The following MECOM variants were observed in gnomAD, a reference collection of about 807,000 sequenced individuals.
MECOM encodes the protein histone-lysine N-methyltransferase MECOM.
Under a neutral mutation model 116.3 loss-of-function variants are expected in MECOM, and 13 were observed. The ratio of observed to expected loss-of-function variants is 0.11; its 90% CI spans 0.07 to 0.18. The LOEUF is 0.18. Ranked by LOEUF, MECOM falls within the 10% of genes least tolerant of loss-of-function variation. MECOM has a pLI of 1.00. For synonymous variants in MECOM, 528 were observed against 535.2 expected, an observed-to-expected ratio of 0.99 and a Z score of 0.19; for missense variants, 1,299 against 1,509.0, an observed-to-expected ratio of 0.86 and a Z score of 2.31.
chr3:169,327,917 A>G (rs1722128443), intron 2 of MECOM, among the ~76,000 whole-genome samples: 1 of 152,200 alleles, frequency 6.6e-6, no homozygotes, highest in Admixed American at 6.5e-5. Flanking sequence ...CTTCAAAAGC[A>G]TGTCCTATTT....
chr3:169,511,491 G>T (rs947041819), intron 1 of MECOM, among the ~76,000 whole-genome samples: 1 of 152,224 alleles, frequency 6.6e-6, no homozygotes, highest in Non-Finnish European at 1.5e-5. Context: ...GCCAGGTGCA[G>T]TGGCTCATGC....
At chr3:169,609,548 G>A (rs1769000876) in intron 1 of MECOM, among the ~76,000 whole-genome samples, 1 of 152,062 alleles carries the variant, frequency 6.6e-6, no homozygotes, top group African/African-American at 2.4e-5. Context: ...AGATTGGTGG[G>A]AGAGGAGTAA....
chr3:169,572,102 G>T (rs1261117203), intron 1 of MECOM, among the ~76,000 whole-genome samples: 4 of 152,232 alleles, frequency 2.6e-5, no homozygotes, highest in South Asian at 4.1e-4. Flanking sequence ...CTGACAAAGG[G>T]CTAATATCCA....
At chr3:169,158,848 G>A (rs1346073904) in intron 2 of MECOM, among the ~76,000 whole-genome samples, 2 of 152,158 alleles carry the variant, frequency 1.3e-5, no homozygotes, top group African/African-American at 4.8e-5. Context: ...ATGCGTAGTG[G>A]GGTGCAGACC....
chr3:169,465,667 G>C (rs142255044), intron 1 of MECOM, among the ~76,000 whole-genome samples: 1 of 152,184 alleles, frequency 6.6e-6, no homozygotes, highest in African/African-American at 2.4e-5. Flanking sequence ...TGAACACTTG[G>C]TGTAGATTAA....
chr3:169,162,882 T>G (rs1577220667), intron 2 of MECOM, among the ~76,000 whole-genome samples: 1 of 152,268 alleles, frequency 6.6e-6, no homozygotes, highest in East Asian at 1.9e-4. Context: ...TTTTTTAATC[T>G]AATAATTACT....
intron 2 of MECOM, among the ~76,000 whole-genome samples, chr3:169,374,342 C>A (rs1730655983): frequency 1.3e-5 from 2 of 151,900 alleles, no homozygotes; most frequent in Non-Finnish European, 2.9e-5. Flanking sequence ...GTTTAAGCCA[C>A]CCAGTTTATG....
chr3:169,115,582 T>C lies in MECOM; in HGVS notation c.2290A>G (p.Thr764Ala), dbSNP rs770545221. The change falls in exon 8 of 17, where the codon ACA (threonine) becomes GCA (alanine). Residue 764 changes from threonine (T) to alanine (A), a missense_variant. Physicochemically the swap from Thr to Ala is moderately conservative, Grantham distance 58. Around this residue, in one of 6 missense-constraint regions of MECOM, gnomAD observed 340 missense variants for 312.6 expected, o/e 1.09. Transcript: ENST00000651503. Reference protein sequence around the residue: ...LTPVPSKPPVTPATSQDQPLD... With the variant: ...LTPVPSKPPVAPATSQDQPLD... ...GGCTGGTCTTGGCTTGTGGCAGGTG[T>C]CACTGGAGGCTTGGAGGGGACTGGA... 1.2e-6 allele frequency: 2 copies of C among 1,614,040 alleles called. No homozygotes were observed. The highest frequency in any genetic ancestry group is 8.5e-7 in the Non-Finnish European group (1 of 1,180,002).
chr3:169,484,202 T>C, intron 1 of MECOM: 1 of 593,646 alleles, frequency 1.7e-6, no homozygotes, highest in Non-Finnish European at 3.0e-6. Flanking sequence ...ATTGATGAGC[T>C]TTGTAAATAT....
Position 169,161,146 on chromosome 3 carries a change from C to T in MECOM, c.376-17314G>A, listed in dbSNP as rs74481406. On this transcript the variant is annotated intron_variant, in intron 2 of 16. Transcript: ENST00000651503. ...ATTGATGATTAAGTCATGGTCACCA[C>T]CTTTAAGTAGCTTTAAAATCCAATG... Among the ~76,000 whole-genome samples the T allele has an allele frequency of 8.3e-3, 1,261 of 152,248 alleles. 8 individuals carry two copies. Among genetic ancestry groups the T allele is most frequent in the South Asian group, 0.021 (102 of 4,828 alleles).
rs183140183 is a variant in MECOM at position 169,209,780 on chromosome 3, G to A, written c.376-65948C>T. On this transcript the variant is annotated intron_variant, in intron 2 of 16. Coordinates refer to ENST00000651503, the MANE Select transcript of MECOM (RefSeq NM_004991.4). ...GGGAATGTAAATTAGTGTAATCATCGTGGAAGACAGTGTGGCGATTCCTCA... is the reference window on the plus strand; with the variant it reads ...GGGAATGTAAATTAGTGTAATCATCATGGAAGACAGTGTGGCGATTCCTCA... Among the ~76,000 whole-genome samples, 172 of 152,268 alleles carry A rather than the reference G, an allele frequency of 1.1e-3. 2 individuals are homozygous for A. Among genetic ancestry groups the A allele is most frequent in the African/African-American group, 4.0e-3 (168 of 41,550 alleles).
chr3:169,429,925 C>A (rs1401188452), intron 1 of MECOM, among the ~76,000 whole-genome samples: 1 of 152,202 alleles, frequency 6.6e-6, no homozygotes, highest in Non-Finnish European at 1.5e-5. Flanking sequence ...GTCCCACTGT[C>A]TCTCCTACAG....
chr3:169,541,660 C>G (rs1270453966), intron 1 of MECOM, among the ~76,000 whole-genome samples: 1 of 152,204 alleles, frequency 6.6e-6, no homozygotes, highest in Non-Finnish European at 1.5e-5. Flanking sequence ...AGGCAACAGC[C>G]CTGGCTGCCA....
intron 5 of MECOM, among the ~76,000 whole-genome samples, chr3:169,126,638 A>T (rs977042799): frequency 2.0e-5 from 3 of 152,094 alleles, no homozygotes; most frequent in African/African-American, 7.2e-5. Context: ...TAGCTAAATT[A>T]GTCCTAAATT....
intron 1 of MECOM, among the ~76,000 whole-genome samples, chr3:169,407,306 A>G (rs543789605): frequency 2.0e-5 from 3 of 152,300 alleles, no homozygotes; most frequent in East Asian, 1.9e-4. Context: ...GCTCCTCTCT[A>G]TAAGGTTGGT....
chr3:169,178,705 C>A (rs1367331694), intron 2 of MECOM, among the ~76,000 whole-genome samples: 2 of 152,296 alleles, frequency 1.3e-5, no homozygotes, highest in Non-Finnish European at 2.9e-5. Context: ...TTCTTCAGTT[C>A]TTTTCCTCTG....
intron 1 of MECOM, among the ~76,000 whole-genome samples, chr3:169,530,898 CA>C (rs11425768): frequency 1.7e-3 from 246 of 141,938 alleles, no homozygotes; most frequent in Non-Finnish European, 1.8e-3. Context: ...AGATAAGCAG[CA>C]AAAAAAAAAA....
At chr3:169,394,733 C>T (rs2108357820) in intron 1 of MECOM, among the ~76,000 whole-genome samples, 1 of 152,276 alleles carries the variant, frequency 6.6e-6, no homozygotes, top group East Asian at 1.9e-4. Context: ...TAGCATTGAA[C>T]TCTTCTAAAT....
intron 16 of MECOM, among the ~76,000 whole-genome samples, chr3:169,086,950 T>C (rs1717961054): frequency 6.6e-6 from 1 of 152,216 alleles, no homozygotes. Flanking sequence ...GTGCCCAGCA[T>C]ATAGCTGGTA....
Sources: allele counts gnomAD v4.1 joint callset (sites outside exome capture counted in the v4.1 genomes callset), GRCh38; gene constraint gnomAD v4.1.1; regional missense constraint gnomAD v4.1.1; transcripts MANE v1.5; gene names NCBI Gene and HGNC (gene_info 2026-07-23, HGNC 2026-07-21).